Variants in MORN1 observed in about 807,000 individuals in gnomAD.
The protein encoded by MORN1 is MORN repeat-containing protein 1.
MORN1 carries 67 observed loss-of-function variants against 61.9 expected under a neutral mutation model. That is an observed-to-expected ratio of 1.08 (90% CI 0.89 to 1.33). The LOEUF is 1.33. MORN1 is among the 40% of genes most tolerant of loss of function. The probability of loss-of-function intolerance (pLI) is 0.00; values close to 1 mark genes in which losing one functional copy is unlikely to be tolerated. For missense variants in MORN1, 752 were observed against 691.2 expected (o/e 1.09, Z -0.99); for synonymous variants, 301 against 292.0 (o/e 1.03, Z -0.31).
rs1557896333 is a variant in MORN1, at chr1:2,388,335, G to A, written c.151C>T (p.His51Tyr). The A allele has an allele frequency of 6.2e-7, 1 of 1,613,470 alleles. No individual in the cohort carries two copies. Among genetic ancestry groups the A allele is most frequent in the Non-Finnish European group, 8.5e-7 (1 of 1,179,598 alleles). Residue 51 changes from histidine to tyrosine, a missense_variant and splice_region_variant, in exon 3 of 14, where the codon CAC becomes TAC. Transcript: ENST00000378531. ...GEWKAGRKHG[H>Y]GKLLFKDGSY... is the part of the protein sequence containing the mutation. The stretch of plus-strand genomic sequence containing the variant: ...CCATCTTTAAATAACAACTTCCCGT[G>A]ACCTGGCAGGAGAAATCGTCACGTG...
At position 2,336,710 on chromosome 1, in the gene MORN1, C is replaced by T. The variant is rs1280729523; in HGVS notation, c.1170+7G>A. 1 of 1,555,030 alleles carries T rather than the reference C, an allele frequency of 6.4e-7. No individual in the cohort carries two copies. The highest frequency in any genetic ancestry group is 1.4e-5 in the African/African-American group (1 of 73,534). On this transcript the variant is annotated splice_region_variant and intron_variant, in intron 11 of 13. Coordinates refer to ENST00000378531, the MANE Select transcript of MORN1 (RefSeq NM_024848.3). Reference sequence around the variant, plus strand: ...GGGTGGCCTCCCCGCCCCCCGTGGGCACCCACCTTGTGGAGGCTGTCCAGG... The same window carrying T: ...GGGTGGCCTCCCCGCCCCCCGTGGGTACCCACCTTGTGGAGGCTGTCCAGG...
At position 2,358,628 on chromosome 1, in the gene MORN1, T is replaced by A. The variant is rs147963914; in HGVS notation, c.833A>T (p.Asp278Val). The change falls in exon 9 of 14, where the codon GAC (aspartate) becomes GTC (valine). Residue 278 changes from aspartate (D) to valine (V), a missense_variant. Transcript: ENST00000378531. ...GATGAGTGTCTCTTGGTTGTCTCTGTCCACTTTGAAAAAGTTGACCTCAGA... is the reference window on the plus strand; with the variant it reads ...GATGAGTGTCTCTTGGTTGTCTCTGACCACTTTGAAAAAGTTGACCTCAGA... ...AYSEVNFFKV[D>V]RDNQETLIQT... is the part of the protein sequence containing the mutation. The A allele has an allele frequency of 1.2e-6, 2 of 1,614,096 alleles. No individual in the cohort carries two copies. The highest frequency in any genetic ancestry group is 8.5e-7 in the Non-Finnish European group (1 of 1,180,000).
At chr1:2,367,002 A>T (rs1642009956) in intron 8 of MORN1, among the ~76,000 whole-genome samples, 1 of 150,804 alleles carries the variant, frequency 6.6e-6, no homozygotes, top group Non-Finnish European at 1.5e-5. Context: ...AAAAACACAT[A>T]GAAAAATACA....
At chr1:2,367,306 C>CAAAAAAAA (rs56188781) in intron 8 of MORN1, among the ~76,000 whole-genome samples, 1 of 132,812 alleles carries the variant, frequency 7.5e-6, no homozygotes, top group African/African-American at 2.9e-5. Context: ...ATTGCTCTAT[C>CAAAAAAAA]AAAAAAAAAA....
At chr1:2,348,327 C>T (rs888648262) in intron 10 of MORN1, among the ~76,000 whole-genome samples, 4 of 152,212 alleles carry the variant, frequency 2.6e-5, no homozygotes, top group Admixed American at 2.6e-4. Context: ...GCTCAGCCCA[C>T]GCTGCCAGGT....
chr1:2,321,639 C>T, intron 13 of MORN1, 60 bp from the exon 14 acceptor site: 1 of 1,425,994 alleles, frequency 7.0e-7, no homozygotes, highest in Middle Eastern at 2.3e-4. Flanking sequence ...TCCCTGGCCT[C>T]AGCCCACTGC....
Position 2,391,499 on chromosome 1 carries a change from C to T in MORN1, c.35G>A (p.Arg12His), listed in dbSNP as rs921080141. Residue 12 changes from arginine to histidine, a missense_variant, in exon 1 of 14, where the codon CGC becomes CAC. Coordinates refer to ENST00000378531, the MANE Select transcript of MORN1 (RefSeq NM_024848.3). ...AAAGEGTPSS[R>H]GPRRDPPRRP... ...CCTAGGCGGGTCCCGACGCGGCCCG[C>T]GGGAGCTCGGGGTGCCCTCGCCCGC... 8.0e-7 allele frequency: 1 copy of T among 1,251,126 alleles called. No homozygotes were observed. The highest frequency in any genetic ancestry group is 1.5e-5 in the African/African-American group (1 of 64,590). 77.5% of individuals were successfully genotyped at this position (1,251,126 alleles called of 1,614,324 possible).
Position 2,357,459 on chromosome 1 carries a change from G to A in MORN1, c.1009C>T (p.Gln337Ter), listed in dbSNP as rs1641800852. Residue 337 changes from glutamine to a stop codon, truncating the protein, a stop_gained, in exon 10 of 14, where the codon CAG (glutamine) becomes TAG (stop). Coordinates refer to ENST00000378531, the MANE Select transcript of MORN1 (RefSeq NM_024848.3). LOFTEE classifies it high-confidence loss of function. The surrounding 1 kb of genome is among the most constrained non-coding windows in gnomAD (Gnocchi z 6.3). Reference protein sequence around the residue: ...LELHLGALHGQEDTPGGLLAR... With the variant: ...LELHLGALHG Reference sequence around the variant, plus strand: ...AGCAGGCCACCAGGGGTGTCCTCCTGGCCATGGAGGGCACCCAAATGCAGC... The same window carrying A: ...AGCAGGCCACCAGGGGTGTCCTCCTAGCCATGGAGGGCACCCAAATGCAGC... 1.2e-6 allele frequency: 2 copies of A among 1,610,712 alleles called. No individual in the cohort carries two copies. Among genetic ancestry groups the A allele is most frequent in the Admixed American group, 3.3e-5 (2 of 59,728 alleles).
chr1:2,341,793 C>T (rs934788795), intron 10 of MORN1, among the ~76,000 whole-genome samples: 20 of 152,248 alleles, frequency 1.3e-4, no homozygotes, highest in East Asian at 3.8e-4. Context: ...GAGACACCTT[C>T]GGACAGCGCA....
chr1:2,359,708 C>A (rs1641852433), intron 8 of MORN1, among the ~76,000 whole-genome samples: 1 of 152,078 alleles, frequency 6.6e-6, no homozygotes, highest in Non-Finnish European at 1.5e-5. Flanking sequence ...CATGGCGAAA[C>A]CTGTCTCTAC....
rs914388289 is a variant in MORN1 at position 2,321,328 on chromosome 1, A to G, written c.*55T>C. On this transcript the variant is annotated 3_prime_UTR_variant, in exon 14 of 14. Coordinates refer to ENST00000378531, the MANE Select transcript of MORN1 (RefSeq NM_024848.3). ...AATCGGGGAGCAGAGTCACGCAAGC[A>G]GAGGCAGCGTTTCCTTCCATTCACA... 15 of 1,266,664 alleles carry G rather than the reference A, an allele frequency of 1.2e-5. No homozygotes were observed. The highest frequency in any genetic ancestry group is 2.8e-4 in the Middle Eastern group (1 of 3,630). The allele number at this position is 1,266,664 out of a possible 1,614,324, so 78.5% of individuals were successfully genotyped here.
At chr1:2,325,664 T>A (rs1208960165) in intron 12 of MORN1, among the ~76,000 whole-genome samples, 4 of 108,052 alleles carry the variant, frequency 3.7e-5, no homozygotes, top group Admixed American at 9.5e-5. Flanking sequence ...TTTTTTTTTT[T>A]AGCAATAGAG....
At chr1:2,327,881 G>A (rs569060996) in intron 12 of MORN1, among the ~76,000 whole-genome samples, 7 of 152,382 alleles carry the variant, frequency 4.6e-5, no homozygotes, top group African/African-American at 9.6e-5. Flanking sequence ...GCGCCTCGGC[G>A]TCCCCGCATG....
chr1:2,353,248 C>G (rs1025555169), intron 10 of MORN1, among the ~76,000 whole-genome samples: 1 of 152,232 alleles, frequency 6.6e-6, no homozygotes, highest in African/African-American at 2.4e-5. Flanking sequence ...GGAAATGATT[C>G]CTAGTGTATT....
chr1:2,366,678 C>T lies in MORN1; in HGVS notation c.745+5803G>A, dbSNP rs1212648865. The stretch of plus-strand genomic sequence containing the variant: ...AGCTGGGATTACAGGTGTGAACCAC[C>T]ATGCCTGGCTAATTTTTGTATTTTT... On this transcript the variant is annotated intron_variant, in intron 8 of 13. Transcript: ENST00000378531. 2.0e-5 allele frequency among the ~76,000 whole-genome samples: 3 copies of T among 152,120 alleles called. No homozygotes were observed. In the East Asian group the frequency reaches 5.8e-4, roughly 29 times the overall value.
intron 10 of MORN1, among the ~76,000 whole-genome samples, chr1:2,356,757 A>G (rs1184089314): frequency 6.6e-6 from 1 of 152,168 alleles, no homozygotes; most frequent in African/African-American, 2.4e-5. Flanking sequence ...CACACTGCTC[A>G]CTGCACAGGA....
chr1:2,370,225 GC>G (rs1570011318), intron 8 of MORN1, among the ~76,000 whole-genome samples: 1 of 152,326 alleles, frequency 6.6e-6, no homozygotes, highest in East Asian at 1.9e-4. Context: ...CAACCAAGGT[GC>G]CAGGGCAACT....
intron 12 of MORN1, among the ~76,000 whole-genome samples, chr1:2,325,303 TC>T (rs1279060672): frequency 2.7e-5 from 4 of 148,324 alleles, no homozygotes; most frequent in Non-Finnish European, 6.0e-5. Flanking sequence ...TCTCTCTCTC[TC>T]TTTTTCTCTC....
intron 8 of MORN1, among the ~76,000 whole-genome samples, chr1:2,364,336 T>C (rs1641957057): frequency 6.6e-6 from 1 of 152,168 alleles, no homozygotes. Context: ...AGAACATTTT[T>C]TCATGTGTTT....
Sources: allele counts gnomAD v4.1 joint callset (sites outside exome capture counted in the v4.1 genomes callset), GRCh38; gene constraint gnomAD v4.1.1; non-coding constraint Gnocchi (gnomAD v3.1); transcripts MANE v1.5; gene names NCBI Gene and HGNC (gene_info 2026-07-23, HGNC 2026-07-21).